Variants in SLC4A8 observed in about 807,000 individuals in gnomAD.
SLC4A8 encodes solute carrier family 4 member 8, also known as electroneutral sodium bicarbonate exchanger 1.
Under a neutral mutation model 125.0 loss-of-function variants are expected in SLC4A8, and 40 were observed. The ratio of observed to expected loss-of-function variants is 0.32; its 90% CI spans 0.25 to 0.42. The LOEUF is 0.42. Among genes scored for constraint, SLC4A8 ranks in the 10% least tolerant of loss-of-function variants. The pLI is 1.00. For synonymous variants in SLC4A8, 456 were observed against 476.0 expected (o/e 0.96, Z 0.55); for missense variants, 863 against 1,355.1 (o/e 0.64, Z 5.70).
chr12:51,489,921 C>A lies in SLC4A8; in HGVS notation c.2670C>A (p.Gly890=), dbSNP rs1216921128. 1 of 1,614,188 alleles carries A rather than the reference C, an allele frequency of 6.2e-7. No individual in the cohort carries two copies. Among genetic ancestry groups the A allele is most frequent in the Non-Finnish European group, 8.5e-7 (1 of 1,180,028 alleles). The change falls in exon 19 of 25, where the codon GGC becomes GGA. Residue 890 remains glycine (G), a synonymous_variant. Transcript: ENST00000453097. ...GCCTTATGATCTTTGTGCTGATGGG[C>A]TGCTCAGTCTTCATGACGGCTATCT... ...VTGLMIFVLM[G]CSVFMTAILK... is the part of the protein sequence containing the mutation.
chr12:51,445,487 C>T (rs757101468), intron 2 of SLC4A8, among the ~76,000 whole-genome samples: 4 of 152,136 alleles, frequency 2.6e-5, no homozygotes, highest in Non-Finnish European at 5.9e-5. Flanking sequence ...TGTTCAGGAT[C>T]GAATTATGCT....
chr12:51,436,307 T>A (rs1032579536), intron 1 of SLC4A8, among the ~76,000 whole-genome samples: 1 of 152,200 alleles, frequency 6.6e-6, no homozygotes, highest in Non-Finnish European at 1.5e-5. Flanking sequence ...CTTTTAAAAT[T>A]CTTCTTTGTC....
At chr12:51,419,343 A>C (rs1360164399) in intron 1 of SLC4A8, among the ~76,000 whole-genome samples, 1 of 152,262 alleles carries the variant, frequency 6.6e-6, no homozygotes, top group African/African-American at 2.4e-5. Flanking sequence ...AAGTGAAATA[A>C]GAACTTCCCT....
upstream of SLC4A8, among the ~76,000 whole-genome samples, chr12:51,423,794 G>A (rs1469759650): frequency 2.0e-5 from 3 of 152,084 alleles, no homozygotes; most frequent in Admixed American, 2.0e-4. Context: ...AGCACCTTGG[G>A]TGGCTGAGGC....
Position 51,475,027 on chromosome 12 carries a change from G to C in SLC4A8, c.2011-18G>C, listed in dbSNP as rs1486719442. The C allele has an allele frequency of 6.2e-7, 1 of 1,611,166 alleles. No individual in the cohort carries two copies. Among genetic ancestry groups the C allele is most frequent in the Non-Finnish European group, 8.5e-7 (1 of 1,178,372 alleles). ...GGTTGTGTCTGCCTTTCATCACCCAGAATGCTTATTCCTCCAGGAATGCCA... is the reference window on the plus strand; with the variant it reads ...GGTTGTGTCTGCCTTTCATCACCCACAATGCTTATTCCTCCAGGAATGCCA... On this transcript the variant is annotated intron_variant, in intron 15 of 24. Coordinates refer to ENST00000453097, the MANE Select transcript of SLC4A8 (RefSeq NM_001039960.3).
chr12:51,463,825 C>T, intron 11 of SLC4A8, 111 bp downstream of exon 11: 1 of 680,016 alleles, frequency 1.5e-6, no homozygotes, highest in Non-Finnish European at 2.5e-6. Context: ...AATTTATTGG[C>T]TGAAGAATGA....
intron 1 of SLC4A8, among the ~76,000 whole-genome samples, chr12:51,439,417 G>A (rs562346820): frequency 2.0e-5 from 3 of 152,196 alleles, no homozygotes; most frequent in South Asian, 4.2e-4. Flanking sequence ...GGTGGACCTA[G>A]CTTAGTTTGG....
At chr12:51,453,516 C>T (rs574054208) in intron 4 of SLC4A8, 23 bp from the exon 5 acceptor site, 1 of 1,605,022 alleles carries the variant, frequency 6.2e-7, no homozygotes, top group South Asian at 1.1e-5. Flanking sequence ...TCTTTGGCAT[C>T]TAGTTATTTG....
At chr12:51,403,544 G>A (rs1948433000) in intron 1 of SLC4A8, among the ~76,000 whole-genome samples, 1 of 152,180 alleles carries the variant, frequency 6.6e-6, no homozygotes, top group Non-Finnish European at 1.5e-5. Context: ...GGTGGCTGCT[G>A]CTTCCCATGG....
intron 16 of SLC4A8, among the ~76,000 whole-genome samples, chr12:51,482,282 G>A (rs934806790): frequency 1.1e-4 from 17 of 151,716 alleles, no homozygotes; most frequent in Non-Finnish European, 1.5e-4. Context: ...TAGATATATC[G>A]ATTAAATAAA....
At chr12:51,481,812 C>T (rs867901856) in intron 16 of SLC4A8, among the ~76,000 whole-genome samples, 1 of 151,666 alleles carries the variant, frequency 6.6e-6, no homozygotes, top group Admixed American at 6.6e-5. Context: ...ATTAGCCAGG[C>T]GTGGTGGTGT....
rs1406961819 is a variant in SLC4A8 at position 51,425,047 on chromosome 12, C to T, written c.48+12C>T. The T allele has an allele frequency of 1.3e-6, 2 of 1,543,822 alleles. No individual in the cohort carries two copies. Among genetic ancestry groups the T allele is most frequent in the East Asian group, 5.1e-5 (2 of 39,508 alleles). On this transcript the variant is annotated intron_variant, in intron 1 of 24. Coordinates refer to ENST00000453097, the MANE Select transcript of SLC4A8 (RefSeq NM_001039960.3). ...TCCTCAGCTATCAGGTAGGGCCCCG[C>T]CTCCCGCGCCTCCCGCTCCTCCCCG...
intron 1 of SLC4A8, among the ~76,000 whole-genome samples, chr12:51,419,300 C>T (rs893234752): frequency 1.3e-5 from 2 of 152,172 alleles, no homozygotes; most frequent in Admixed American, 6.5e-5. Context: ...GAATTTGCTG[C>T]CACCTTAAAG....
chr12:51,433,432 C>A (rs1257026181), intron 1 of SLC4A8, among the ~76,000 whole-genome samples: 1 of 151,992 alleles, frequency 6.6e-6, no homozygotes. Flanking sequence ...TTTTCTTAAG[C>A]TTATATAATG....
chr12:51,424,045 A>AC (rs1412217242), upstream of SLC4A8, among the ~76,000 whole-genome samples: 16 of 35,412 alleles, frequency 4.5e-4, 2 homozygotes, highest in Non-Finnish European at 1.1e-3. Flanking sequence ...TCCAAAAAAA[A>AC]AAAAAAAACA....
chr12:51,441,284 C>T, intron 2 of SLC4A8: 1 of 761,284 alleles, frequency 1.3e-6, no homozygotes, highest in Non-Finnish European at 1.6e-6. Context: ...AGAGGGAAAA[C>T]AGGAACACAC....
chr12:51,458,530 C>T, intron 6 of SLC4A8, 29 bp from the exon 7 acceptor site: 1 of 1,530,660 alleles, frequency 6.5e-7, no homozygotes, highest in Non-Finnish European at 9.1e-7. Context: ...GGCAGGGACT[C>T]AGGATTTTGT....
upstream of SLC4A8, among the ~76,000 whole-genome samples, chr12:51,421,359 AG>A (rs1948785862): frequency 6.6e-6 from 1 of 152,210 alleles, no homozygotes; most frequent in Admixed American, 6.5e-5. Flanking sequence ...CATCCCTGGG[AG>A]GATAGAGCCT....
At chr12:51,424,077 C>CA (rs1233204930), upstream of SLC4A8, among the ~76,000 whole-genome samples, 585 of 62,330 alleles carry the variant, frequency 9.4e-3, 10 homozygotes, top group South Asian at 0.03. Flanking sequence ...AAAAAAAAAA[C>CA]AAAAAAAACC....
Sources: gnomAD v4.1 joint callset for allele counts (sites outside exome capture counted in the v4.1 genomes callset) on GRCh38, gnomAD v4.1.1 for gene constraint, MANE v1.5 for transcripts, NCBI Gene and HGNC (gene_info 2026-07-23, HGNC 2026-07-21) for gene names.